Variants in SRC observed in about 807,000 individuals in gnomAD.
The protein encoded by SRC is SRC proto-oncogene, non-receptor tyrosine kinase, also known as proto-oncogene tyrosine-protein kinase Src.
SRC carries 13 observed loss-of-function variants against 62.9 expected under a neutral mutation model. That is an observed-to-expected ratio of 0.21 (90% CI 0.13 to 0.33). The LOEUF (loss-of-function observed/expected upper bound fraction) is 0.33. Ranked by LOEUF, SRC falls within the 10% of genes least tolerant of loss-of-function variation. The probability of loss-of-function intolerance (pLI) is 1.00; values close to 1 mark genes in which losing one functional copy is unlikely to be tolerated. For missense variants in SRC, 457 were observed against 737.3 expected, an observed-to-expected ratio of 0.62 and a Z score of 4.40; for synonymous variants, 302 against 317.5, an observed-to-expected ratio of 0.95 and a Z score of 0.52.
intron 5 of SRC, among the ~76,000 whole-genome samples, chr20:37,393,272 C>T (rs545208172): frequency 3.7e-4 from 57 of 152,308 alleles, no homozygotes; most frequent in African/African-American, 1.1e-3. Flanking sequence ...AGTTTTCAGC[C>T]GAGGAGCCCT....
chr20:37,391,739 AACT>A (rs758217646), intron 5 of SRC, among the ~76,000 whole-genome samples: 5 of 152,140 alleles, frequency 3.3e-5, no homozygotes, highest in Non-Finnish European at 5.9e-5. Flanking sequence ...CTGTAATCCC[AACT>A]ACTCAGGAGG....
intron 1 of SRC, among the ~76,000 whole-genome samples, chr20:37,357,768 T>C (rs1196087083): frequency 6.6e-6 from 1 of 152,166 alleles, no homozygotes; most frequent in African/African-American, 2.4e-5. Context: ...AAACAGGTGG[T>C]CGAGCAAGGC....
Position 37,392,488 on chromosome 20 carries a change from C to T in SRC, c.351-1407C>T, listed in dbSNP as rs577752288. On this transcript the variant is annotated intron_variant, in intron 5 of 13. Transcript: ENST00000373578. ...GGGCCTTTCTCTCTCTGGGCCCTGG[C>T]GGTGGGTGGGGGCCACCCTGCCTGC... Among the ~76,000 whole-genome samples, 6 of 152,068 alleles carry T rather than the reference C, an allele frequency of 3.9e-5. No individual in the cohort carries two copies. The South Asian group carries it at 8.3e-4, about 21-fold the overall frequency.
rs1218628555 is a variant in SRC, at chr20:37,351,803, G to A, written c.-247+5548G>A. Among the ~76,000 whole-genome samples, 1 of 152,228 alleles carries A rather than the reference G, an allele frequency of 6.6e-6. No homozygotes were observed. Among genetic ancestry groups the A allele is most frequent in the Non-Finnish European group, 1.5e-5 (1 of 68,036 alleles). ...CTGAAGCTCAGAGAGGCTAAGAGCT[G>A]GGGCCACAGGAGTGCAGCAAAGTGA... On this transcript the variant is annotated intron_variant, in intron 1 of 13. Coordinates refer to ENST00000373578, the MANE Select transcript of SRC (RefSeq NM_198291.3). The surrounding 1 kb of genome is among the most constrained non-coding windows in gnomAD (Gnocchi z 4.4).
chr20:37,350,552 A>T (rs1423186802), intron 1 of SRC, among the ~76,000 whole-genome samples: 1 of 152,180 alleles, frequency 6.6e-6, no homozygotes, highest in African/African-American at 2.4e-5. Context: ...CCCTGTGTTC[A>T]AGGCCTCATT....
In SRC at chr20:37,396,524, T is replaced by C; in HGVS notation, c.703+213T>C. ...TTTCCCCCAGCCCCCCTCCTCCCTG[T>C]CCCCCTCTCTCCCTGCTCCACGCAG... On this transcript the variant is annotated intron_variant, in intron 8 of 13. Transcript: ENST00000373578. This position sits in a 1 kb window ranked among gnomAD's most constrained non-coding sequence, Gnocchi z 6.1. 1 of 624,644 alleles carries C rather than the reference T, an allele frequency of 1.6e-6. No individual in the cohort carries two copies. Among genetic ancestry groups the C allele is most frequent in the Non-Finnish European group, 2.7e-6 (1 of 364,112 alleles). The allele number at this position is 624,644 out of a possible 1,614,324, so 38.7% of individuals were successfully genotyped here. A position where few individuals can be genotyped will look rare whatever the true frequency, so the allele number is the denominator to read the frequency against.
At chr20:37,357,404 C>T (rs1397721296) in intron 1 of SRC, among the ~76,000 whole-genome samples, 1 of 152,204 alleles carries the variant, frequency 6.6e-6, no homozygotes, top group Non-Finnish European at 1.5e-5. Flanking sequence ...CCTGCTTGCT[C>T]TTCCATCCAT....
At chr20:37,368,527 T>G (rs1568625185) in intron 2 of SRC, among the ~76,000 whole-genome samples, 14 of 124,928 alleles carry the variant, frequency 1.1e-4, no homozygotes, top group East Asian at 4.6e-4. Context: ...TCTTTTTTTT[T>G]TTTTTTTTTT....
At position 37,405,683 on chromosome 20, in the gene SRC, CA is replaced by C. The variant is rs535002530; in HGVS notation, c.*2307del. 5.6e-4 allele frequency: 88 copies of C among 156,938 alleles called. 1 individual carries two copies. The highest frequency in any genetic ancestry group is 2.0e-3 in the African/African-American group (83 of 41,676). The allele number at this position is 156,938 out of a possible 1,614,324, so 9.7% of individuals were successfully genotyped here. A position where few individuals can be genotyped will look rare whatever the true frequency, so the allele number is the denominator to read the frequency against. ...CCCTGAGCATGACAAGTTCAGGACT[CA>C]AATGTCCGTGGTGGATGGTAGCAGT... is the stretch of plus-strand genomic sequence containing the variant. On this transcript the variant is annotated 3_prime_UTR_variant, in exon 14 of 14. Transcript: ENST00000373578.
chr20:37,381,962 T>C (rs2070371336), intron 2 of SRC, among the ~76,000 whole-genome samples: 1 of 152,134 alleles, frequency 6.6e-6, no homozygotes, highest in Non-Finnish European at 1.5e-5. Flanking sequence ...ATACCCCCAT[T>C]GTGCAGCTGG....
At position 37,402,829 on chromosome 20, in the gene SRC, T is replaced by C; in HGVS notation, c.1351T>C (p.Phe451Leu). Residue 451 changes from phenylalanine to leucine, a missense_variant, in exon 13 of 14, where the codon TTC becomes CTC. Phe to Leu is a conservative substitution (Grantham distance 22, BLOSUM62 0). Coordinates refer to ENST00000373578, the MANE Select transcript of SRC (RefSeq NM_198291.3). The surrounding 1 kb of genome is among the most constrained non-coding windows in gnomAD (Gnocchi z 6.2). Reference sequence around the variant, plus strand: ...CACCATCAAGTCGGACGTGTGGTCCTTCGGGATCCTGCTGACTGAGCTCAC... The same window carrying C: ...CACCATCAAGTCGGACGTGTGGTCCCTCGGGATCCTGCTGACTGAGCTCAC... ...RFTIKSDVWS[F>L]GILLTELTTK... The C allele has an allele frequency of 6.2e-7, 1 of 1,614,078 alleles. No individual in the cohort carries two copies. Among genetic ancestry groups the C allele is most frequent in the Non-Finnish European group, 8.5e-7 (1 of 1,179,994 alleles).
chr20:37,384,420 C>T lies in SRC; in HGVS notation c.250+17C>T, dbSNP rs2070415428. The T allele has an allele frequency of 1.5e-6, 2 of 1,343,058 alleles. No individual in the cohort carries two copies. The highest frequency in any genetic ancestry group is 3.9e-5 in the South Asian group (2 of 51,854). The allele number at this position is 1,343,058 out of a possible 1,614,324, so 83.2% of individuals were successfully genotyped here. On this transcript the variant is annotated intron_variant, in intron 4 of 13. Transcript: ENST00000373578. The surrounding 1 kb of genome is among the most constrained non-coding windows in gnomAD (Gnocchi z 6.7). The stretch of plus-strand genomic sequence containing the variant: ...CGCTGGCCGGTCAGTGCGCGGGCGG[C>T]GCGGGGTCCTCGCCCACCTGGGGCC...
intron 1 of SRC, among the ~76,000 whole-genome samples, chr20:37,353,175 C>A (rs2069832248): frequency 6.6e-6 from 1 of 152,170 alleles, no homozygotes; most frequent in Non-Finnish European, 1.5e-5. Flanking sequence ...ACAGACAGAA[C>A]CACCGTAATA....
At chr20:37,367,083 A>G (rs1252002061) in intron 2 of SRC, among the ~76,000 whole-genome samples, 71 of 147,014 alleles carry the variant, frequency 4.8e-4, no homozygotes, top group Non-Finnish European at 1.0e-4. Context: ...GTGGCATCTC[A>G]TTGTGGTTTT....
Position 37,403,334 on chromosome 20 carries a change from C to T in SRC, c.1566C>T (p.Tyr522=), listed in dbSNP as rs1224427824. 1.2e-6 allele frequency: 2 copies of T among 1,607,346 alleles called. No individual in the cohort carries two copies. The highest frequency in any genetic ancestry group is 3.4e-5 in the Admixed American group (2 of 59,160). Residue 522 remains tyrosine (Y), a synonymous_variant, in exon 14 of 14, where the codon TAC becomes TAT. Coordinates refer to ENST00000373578, the MANE Select transcript of SRC (RefSeq NM_198291.3). The surrounding 1 kb of genome is among the most constrained non-coding windows in gnomAD (Gnocchi z 7.1). ...ACCTGCAGGCCTTCCTGGAGGACTA[C>T]TTCACGTCCACCGAGCCCCAGTACC... is the stretch of plus-strand genomic sequence containing the variant. The part of the protein sequence containing the change: ...FEYLQAFLED[Y]FTSTEPQYQP...
rs192458933 is a variant in SRC, at chr20:37,391,575, C to T, written c.351-2320C>T. 4.7e-3 allele frequency among the ~76,000 whole-genome samples: 716 copies of T among 152,206 alleles called. 10 individuals are homozygous for T. Among genetic ancestry groups the T allele is most frequent in the Non-Finnish European group, 5.0e-3 (342 of 67,990 alleles). ...CCAACTCTCTAAAGAAAGTGCTGGC[C>T]AGGCGCGGTGGCTCACTCCTGTAAT... On this transcript the variant is annotated intron_variant, in intron 5 of 13. Transcript: ENST00000373578.
intron 2 of SRC, among the ~76,000 whole-genome samples, chr20:37,366,193 G>A (rs920633262): frequency 3.3e-5 from 5 of 152,166 alleles, no homozygotes; most frequent in African/African-American, 1.2e-4. Flanking sequence ...CGGTGGGTGT[G>A]TAATTGTGAT....
At chr20:37,380,528 T>G (rs138592056) in intron 2 of SRC, among the ~76,000 whole-genome samples, 219 of 152,360 alleles carry the variant, frequency 1.4e-3, no homozygotes, top group East Asian at 5.0e-3. Flanking sequence ...CTGGGAGTAT[T>G]TGAATACCAC....
At chr20:37,357,127 A>G (rs112069153) in intron 1 of SRC, among the ~76,000 whole-genome samples, 1 of 152,278 alleles carries the variant, frequency 6.6e-6, no homozygotes, top group African/African-American at 2.4e-5. Flanking sequence ...AGCACAGAGG[A>G]CAAAGCCCCT....
Sources: allele counts gnomAD v4.1 joint callset (sites outside exome capture counted in the v4.1 genomes callset), GRCh38; gene constraint gnomAD v4.1.1; non-coding constraint Gnocchi (gnomAD v3.1); transcripts MANE v1.5; gene names NCBI Gene and HGNC (gene_info 2026-07-23, HGNC 2026-07-21).